Variants in SGCZ observed in about 807,000 individuals in gnomAD.
SGCZ encodes sarcoglycan zeta, also known as zeta-sarcoglycan.
A neutral mutation model predicts 41.3 loss-of-function variants in SGCZ; 40 were observed. The observed-to-expected ratio is 0.97, with a 90% CI of 0.75 to 1.26. SGCZ has a LOEUF of 1.26. Ranked by LOEUF, SGCZ falls within the 50% of genes most tolerant of loss-of-function variation. The pLI, the probability that SGCZ is intolerant of heterozygous loss-of-function variation, is 0.00. For missense variants in SGCZ, 552 were observed against 369.8 expected (o/e 1.49, Z -4.04); for synonymous variants, 206 against 137.5 (o/e 1.50, Z -3.49).
intron 4 of SGCZ, among the ~76,000 whole-genome samples, chr8:14,231,263 GAGAGAC>G (rs1806561827): frequency 6.6e-6 from 1 of 151,536 alleles, no homozygotes; most frequent in African/African-American, 2.4e-5. Flanking sequence ...CAGAGAGAGA[GAGAGAC>G]AGAGACAGAG....
intron 5 of SGCZ, among the ~76,000 whole-genome samples, chr8:14,109,836 G>A (rs1297745690): frequency 6.6e-6 from 1 of 151,926 alleles, no homozygotes; most frequent in African/African-American, 2.4e-5. Context: ...GCTGCTGAGG[G>A]CAAACTTACT....
chr8:14,685,786 C>G lies in SGCZ; in HGVS notation c.40-130860G>C, dbSNP rs796171253. 1.2e-4 allele frequency among the ~76,000 whole-genome samples: 18 copies of G among 152,126 alleles called. 1 individual carries two copies. The highest frequency in any genetic ancestry group is 4.3e-4 in the African/African-American group (18 of 41,528). On this transcript the variant is annotated intron_variant, in intron 1 of 7. Coordinates refer to ENST00000382080, the MANE Select transcript of SGCZ (RefSeq NM_139167.4). ...TATTTAAATATTACAGATGAACACA[C>G]AGCTGTTAGGAAAAAAACCTCGACA...
intron 1 of SGCZ, among the ~76,000 whole-genome samples, chr8:15,081,365 T>G (rs1457406771): frequency 6.6e-6 from 1 of 152,232 alleles, no homozygotes; most frequent in Non-Finnish European, 1.5e-5. Context: ...TTCTCAATTT[T>G]TTAAATGTTT....
chr8:14,383,797 T>G (rs879172998), intron 2 of SGCZ, among the ~76,000 whole-genome samples: 2 of 152,136 alleles, frequency 1.3e-5, no homozygotes, highest in African/African-American at 4.8e-5. Flanking sequence ...TACAGTTGAA[T>G]GTAGGCCAGA....
At chr8:14,774,021 C>G (rs116691559) in intron 1 of SGCZ, among the ~76,000 whole-genome samples, 1 of 152,116 alleles carries the variant, frequency 6.6e-6, no homozygotes, top group Admixed American at 6.6e-5. Flanking sequence ...TTGGACCACT[C>G]GGCTCAGATA....
chr8:14,528,928 A>G (rs1254333709), intron 2 of SGCZ, among the ~76,000 whole-genome samples: 1 of 151,974 alleles, frequency 6.6e-6, no homozygotes, highest in Non-Finnish European at 1.5e-5. Context: ...CTCAGACATC[A>G]TCCACTGCAA....
intron 1 of SGCZ, among the ~76,000 whole-genome samples, chr8:14,736,261 C>A (rs963560704): frequency 2.6e-5 from 4 of 152,100 alleles, no homozygotes; most frequent in African/African-American, 9.7e-5. Flanking sequence ...AGAGCCAACA[C>A]AGCACCAGTT....
chr8:14,834,144 C>T (rs1802620021), intron 1 of SGCZ, among the ~76,000 whole-genome samples: 1 of 152,040 alleles, frequency 6.6e-6, no homozygotes. Context: ...CTCACTATGT[C>T]ATTGTAAATT....
At chr8:14,967,322 C>A (rs7008737) in intron 1 of SGCZ, among the ~76,000 whole-genome samples, 2 of 152,136 alleles carry the variant, frequency 1.3e-5, no homozygotes, top group African/African-American at 4.8e-5. Flanking sequence ...TTCTAACTGG[C>A]GCTCCATCTC....
intron 3 of SGCZ, among the ~76,000 whole-genome samples, chr8:14,300,315 A>T (rs1466890256): frequency 6.6e-6 from 1 of 151,526 alleles, no homozygotes; most frequent in Non-Finnish European, 1.5e-5. Context: ...AGGAGGAAGG[A>T]AAGAACAAAG....
chr8:14,351,402 G>A (rs1231979387), intron 2 of SGCZ, among the ~76,000 whole-genome samples: 1 of 151,870 alleles, frequency 6.6e-6, no homozygotes, highest in Non-Finnish European at 1.5e-5. Context: ...CTTCAGCCTT[G>A]TCTTCACCTT....
intron 2 of SGCZ, among the ~76,000 whole-genome samples, chr8:14,453,374 G>C (rs60025935): frequency 0.36 from 54,848 of 151,968 alleles, 10,761 homozygotes; most frequent in South Asian, 0.49. Flanking sequence ...ATTTGCAATT[G>C]AAATAATCAA....
chr8:14,206,257 G>C (rs1160747058), intron 4 of SGCZ, among the ~76,000 whole-genome samples: 2 of 152,018 alleles, frequency 1.3e-5, no homozygotes, highest in Admixed American at 1.3e-4. Flanking sequence ...TTAAATTATA[G>C]TGTAAGAAAA....
chr8:15,124,795 T>G (rs1425637380), intron 1 of SGCZ, among the ~76,000 whole-genome samples: 2 of 152,142 alleles, frequency 1.3e-5, no homozygotes, highest in African/African-American at 4.8e-5. Context: ...TTGTGCAAAT[T>G]CATCCAATAC....
At chr8:14,602,467 T>C (rs374769382) in intron 1 of SGCZ, among the ~76,000 whole-genome samples, 6 of 151,770 alleles carry the variant, frequency 4.0e-5, no homozygotes, top group African/African-American at 1.2e-4. Context: ...GGAGGATTGC[T>C]TGAACCCAGG....
chr8:14,497,030 G>C (rs1275492259), intron 2 of SGCZ, among the ~76,000 whole-genome samples: 2 of 152,094 alleles, frequency 1.3e-5, no homozygotes, highest in East Asian at 1.9e-4. Context: ...TCTTGCAGTA[G>C]AATTAACACT....
chr8:14,249,568 T>C (rs181217367), intron 3 of SGCZ, among the ~76,000 whole-genome samples: 9 of 152,212 alleles, frequency 5.9e-5, no homozygotes, highest in South Asian at 2.1e-4. Context: ...TGAGACACTA[T>C]GATTTCGCAT....
intron 2 of SGCZ, among the ~76,000 whole-genome samples, chr8:14,433,895 G>A (rs1800014551): frequency 6.6e-6 from 1 of 152,100 alleles, no homozygotes; most frequent in Admixed American, 6.6e-5. Flanking sequence ...TCACCCATAG[G>A]AATGCTACAT....
intron 1 of SGCZ, among the ~76,000 whole-genome samples, chr8:14,718,074 A>T (rs907355258): frequency 6.6e-6 from 1 of 151,070 alleles, no homozygotes; most frequent in African/African-American, 2.4e-5. Flanking sequence ...TTATCTTTGA[A>T]AATCACTTTA....
Sources: gnomAD v4.1 joint callset for allele counts (sites outside exome capture counted in the v4.1 genomes callset) on GRCh38, gnomAD v4.1.1 for gene constraint, MANE v1.5 for transcripts, NCBI Gene and HGNC (gene_info 2026-07-23, HGNC 2026-07-21) for gene names.